The following COP1 variants were observed in gnomAD, a reference collection of about 807,000 sequenced individuals.
COP1 encodes the protein E3 ubiquitin-protein ligase COP1.
A neutral mutation model predicts 101.3 loss-of-function variants in COP1; 24 were observed. That is an observed-to-expected ratio of 0.24 (90% CI 0.17 to 0.33). The LOEUF (loss-of-function observed/expected upper bound fraction) is 0.33, where lower values mean the gene tolerates loss of function less well. Among genes scored for constraint, COP1 ranks in the 10% least tolerant of loss-of-function variants. The pLI is 1.00. For missense variants in COP1, 663 were observed against 906.2 expected, an observed-to-expected ratio of 0.73 and a Z score of 3.45; for synonymous variants, 347 against 341.9, an observed-to-expected ratio of 1.01 and a Z score of -0.17.
In COP1 at chr1:176,164,438, T is replaced by G. The variant is rs140513081; in HGVS notation, c.566-547A>C. On this transcript the variant is annotated intron_variant, in intron 3 of 19. Transcript: ENST00000367669. ...GGTTAGATTCCACCCCAACCCCATG[T>G]ATTACTTTGACTAACCTAAGGCAAT... Among the ~76,000 whole-genome samples, 400 of 152,296 alleles carry G rather than the reference T, an allele frequency of 2.6e-3. 4 individuals carry two copies. The highest frequency in any genetic ancestry group is 9.2e-3 in the African/African-American group (382 of 41,574).
intron 18 of COP1, among the ~76,000 whole-genome samples, chr1:175,979,625 T>C (rs1446108606): frequency 6.6e-6 from 1 of 152,108 alleles, no homozygotes; most frequent in African/African-American, 2.4e-5. Flanking sequence ...GCTGCACACA[T>C]TTAAAAATTT....
chr1:175,993,412 G>C (rs1313711696), intron 15 of COP1, among the ~76,000 whole-genome samples: 1 of 152,238 alleles, frequency 6.6e-6, no homozygotes, highest in Non-Finnish European at 1.5e-5. Flanking sequence ...TTGACGAGTT[G>C]AGAGAAGAAG....
intron 9 of COP1, among the ~76,000 whole-genome samples, chr1:176,086,576 T>C (rs1047511350): frequency 4.6e-5 from 7 of 152,016 alleles, no homozygotes; most frequent in Non-Finnish European, 8.8e-5. Context: ...AATTATCAAA[T>C]AGAAAATGAG....
chr1:175,993,665 G>A (rs1457470456), intron 15 of COP1, among the ~76,000 whole-genome samples: 6 of 152,138 alleles, frequency 3.9e-5, no homozygotes, highest in African/African-American at 1.2e-4. Context: ...TGAAATGAAT[G>A]AAATGAAGCG....
rs1689566646 is a variant in COP1 at position 176,135,001 on chromosome 1, A to C, written c.968+9T>G. The C allele has an allele frequency of 3.1e-6, 5 of 1,600,680 alleles. No homozygotes were observed. Among genetic ancestry groups the C allele is most frequent in the Non-Finnish European group, 4.3e-6 (5 of 1,168,820 alleles). On this transcript the variant is annotated intron_variant, in intron 8 of 19. Coordinates refer to ENST00000367669, the MANE Select transcript of COP1 (RefSeq NM_022457.7). ...GAATTCTAATCAATTGCAAGTGTGA[A>C]GCTTGTACCTGTGTGATGGAGAAGG...
intron 11 of COP1, among the ~76,000 whole-genome samples, chr1:176,070,291 C>T (rs1175114692): frequency 6.6e-6 from 1 of 151,690 alleles, no homozygotes; most frequent in Non-Finnish European, 1.5e-5. Flanking sequence ...CACAGACCTC[C>T]CAGAACCTAC....
intron 15 of COP1, among the ~76,000 whole-genome samples, chr1:176,008,452 GAATT>G (rs370157085): frequency 6.6e-6 from 1 of 152,124 alleles, no homozygotes; most frequent in Admixed American, 6.6e-5. Context: ...TTCAACAACA[GAATT>G]ATTTGTTTTT....
At chr1:176,168,998 T>A (rs1399824038) in intron 3 of COP1, among the ~76,000 whole-genome samples, 1 of 152,212 alleles carries the variant, frequency 6.6e-6, no homozygotes, top group Non-Finnish European at 1.5e-5. Flanking sequence ...AATGCCTGAC[T>A]TGTTAATAGG....
chr1:175,949,487 C>T (rs972986188), intron 18 of COP1, among the ~76,000 whole-genome samples: 1 of 152,108 alleles, frequency 6.6e-6, no homozygotes, highest in Non-Finnish European at 1.5e-5. Context: ...CTGTGTGGTG[C>T]AATATGGATT....
chr1:175,956,468 G>T (rs1275318712), intron 18 of COP1, among the ~76,000 whole-genome samples: 1 of 151,384 alleles, frequency 6.6e-6, no homozygotes, highest in African/African-American at 2.4e-5. Flanking sequence ...CTATTTTTTA[G>T]GATGCAAAAA....
At chr1:175,971,226 ACT>A (rs1266189345) in intron 18 of COP1, among the ~76,000 whole-genome samples, 1 of 152,162 alleles carries the variant, frequency 6.6e-6, no homozygotes, top group Non-Finnish European at 1.5e-5. Context: ...TTTTGTAGTA[ACT>A]TTTTTTTTGT....
intron 15 of COP1, among the ~76,000 whole-genome samples, chr1:175,993,560 G>T (rs1659248339): frequency 1.3e-5 from 2 of 152,180 alleles, no homozygotes; most frequent in Admixed American, 1.3e-4. Context: ...GGAGCTGATG[G>T]AGCTGAAAGC....
rs543024722 is a variant in COP1 at position 176,189,075 on chromosome 1, C to T, written c.408-4383G>A. On this transcript the variant is annotated intron_variant, in intron 1 of 19. Coordinates refer to ENST00000367669, the MANE Select transcript of COP1 (RefSeq NM_022457.7). ...CAAAAACAAGAAAATATCCCTAACA[C>T]GTACAATGCACTTTAAACTGCTAAA... Among the ~76,000 whole-genome samples the T allele has an allele frequency of 4.6e-5, 7 of 152,178 alleles. No individual in the cohort carries two copies. The East Asian group carries it at 9.6e-4, about 21-fold the overall frequency.
chr1:176,117,209 A>AT (rs1377119427), intron 8 of COP1, among the ~76,000 whole-genome samples: 1 of 152,234 alleles, frequency 6.6e-6, no homozygotes, highest in African/African-American at 2.4e-5. Context: ...GCTTCAAAAT[A>AT]TTATAATCAA....
chr1:175,955,247 C>G (rs1650476203), intron 18 of COP1, among the ~76,000 whole-genome samples: 1 of 150,540 alleles, frequency 6.6e-6, no homozygotes, highest in South Asian at 2.1e-4. Context: ...TGCCTCAAAA[C>G]AAAAAAAAGA....
At chr1:175,989,834 TACAC>T (rs1362492979) in intron 15 of COP1, among the ~76,000 whole-genome samples, 1 of 152,158 alleles carries the variant, frequency 6.6e-6, no homozygotes, top group Non-Finnish European at 1.5e-5. Context: ...TATAATAAAA[TACAC>T]ACACTAAAAA....
Position 176,071,357 on chromosome 1 carries a change from C to T in COP1, c.1277+9795G>A, listed in dbSNP as rs186414017. Reference sequence around the variant, plus strand: ...CATGTTTCCTGCAAAGCCTGCAGAACCGTAAACCAATTAAACCTCTTCTCT... The same window carrying T: ...CATGTTTCCTGCAAAGCCTGCAGAATCGTAAACCAATTAAACCTCTTCTCT... On this transcript the variant is annotated intron_variant, in intron 11 of 19. Transcript: ENST00000367669. Among the ~76,000 whole-genome samples the T allele has an allele frequency of 2.4e-4, 36 of 152,198 alleles. No homozygotes were observed. The East Asian group carries it at 7.0e-3, about 29-fold the overall frequency.
At position 175,947,694 on chromosome 1, in the gene COP1, T is replaced by C. The variant is rs1649363049; in HGVS notation, c.2134-455A>G. ...CGAAGAGACAATTTTAACATGTTTTTAACTGTATTTTAAACTTAAGATCCC... is the reference window on the plus strand; with the variant it reads ...CGAAGAGACAATTTTAACATGTTTTCAACTGTATTTTAAACTTAAGATCCC... On this transcript the variant is annotated intron_variant, in intron 18 of 19. Coordinates refer to ENST00000367669, the MANE Select transcript of COP1 (RefSeq NM_022457.7). Among the ~76,000 whole-genome samples the C allele has an allele frequency of 2.0e-5, 3 of 152,310 alleles. No homozygotes were observed. The South Asian group carries it at 6.2e-4, about 32-fold the overall frequency.
intron 3 of COP1, chr1:176,168,750 TG>T: frequency 3.5e-6 from 1 of 289,516 alleles, no homozygotes. Context: ...GTATGCACAC[TG>T]GAGGGAAGTA....
Sources: gnomAD v4.1 joint callset for allele counts (sites outside exome capture counted in the v4.1 genomes callset) on GRCh38, gnomAD v4.1.1 for gene constraint, MANE v1.5 for transcripts, NCBI Gene and HGNC (gene_info 2026-07-23, HGNC 2026-07-21) for gene names.